The following CASZ1 variants were observed in gnomAD, a reference collection of about 807,000 sequenced individuals.
CASZ1 encodes the protein castor zinc finger 1, also known as zinc finger protein castor homolog 1.
In CASZ1, 28 loss-of-function variants were observed where a neutral mutation model predicts 135.2. The observed-to-expected ratio is 0.21, with a 90% confidence interval of 0.15 to 0.28. The LOEUF is 0.28. Ranked by LOEUF, CASZ1 falls within the 10% of genes least tolerant of loss-of-function variation. The probability of loss-of-function intolerance (pLI) is 1.00; values close to 1 mark genes in which losing one functional copy is unlikely to be tolerated. For synonymous variants in CASZ1, 1,068 were observed against 1,073.4 expected, an observed-to-expected ratio of 0.99 and a Z score of 0.10; for missense variants, 2,161 against 2,453.3, an observed-to-expected ratio of 0.88 and a Z score of 2.52.
chr1:10,648,972 C>G, intron 15 of CASZ1, 98 bp downstream of exon 15: 1 of 1,490,880 alleles, frequency 6.7e-7, no homozygotes, highest in Non-Finnish European at 9.1e-7. Context: ...CTTCTGTGGC[C>G]CAGCGGGAAC....
rs556777227 is a variant in CASZ1, at chr1:10,741,484, C to T, written c.-77+19217G>A. Among the ~76,000 whole-genome samples, 144 of 152,232 alleles carry T rather than the reference C, an allele frequency of 9.5e-4. 5 individuals are homozygous for T. In the South Asian group the frequency reaches 0.03, roughly 31 times the overall value. On this transcript the variant is annotated intron_variant, in intron 2 of 20. Transcript: ENST00000377022. The surrounding 1 kb of genome is among the most constrained non-coding windows in gnomAD (Gnocchi z 5.0). ...CACACAGCTCTCCAGTAAAGATGAG[C>T]ATGGGCAGGGCTGGCGTGATGAGGC...
intron 5 of CASZ1, among the ~76,000 whole-genome samples, chr1:10,664,811 C>T (rs1050682133): frequency 6.6e-6 from 1 of 150,936 alleles, no homozygotes; most frequent in Non-Finnish European, 1.5e-5. Context: ...CCCGTCTATC[C>T]CTCCCTCCCT....
intron 1 of CASZ1, among the ~76,000 whole-genome samples, chr1:10,790,002 T>C (rs910174130): frequency 6.6e-6 from 1 of 151,886 alleles, no homozygotes; most frequent in African/African-American, 2.4e-5. Context: ...GGTGCCCCCC[T>C]CCCCCAGTGG....
Position 10,647,917 on chromosome 1 carries a change from G to C in CASZ1, c.3381C>G (p.Pro1127=). The C allele has an allele frequency of 6.2e-7, 1 of 1,613,786 alleles. No homozygotes were observed. The highest frequency in any genetic ancestry group is 8.5e-7 in the Non-Finnish European group (1 of 1,179,972). The stretch of plus-strand genomic sequence containing the variant: ...CTGACGCTGGGATCTGAGGCATCTG[G>C]GGTATGGTGGAAGCCAGCTGCTTCC... ...LAWKQLASTI[P]QMPQIPASVP... is the part of the protein sequence containing the mutation. Residue 1127 remains proline, a synonymous_variant, in exon 16 of 21, where the codon CCC becomes CCG. Transcript: ENST00000377022. The surrounding 1 kb of genome is among the most constrained non-coding windows in gnomAD (Gnocchi z 4.9).
At chr1:10,656,591 G>T in intron 8 of CASZ1, 55 bp downstream of exon 8, 2 of 1,345,284 alleles carry the variant, frequency 1.5e-6, no homozygotes, top group Non-Finnish European at 2.1e-6. Flanking sequence ...ACTTCTAAGC[G>T]CCTCCATGCT....
chr1:10,722,045 T>C (rs1639506405), intron 2 of CASZ1, among the ~76,000 whole-genome samples: 1 of 152,220 alleles, frequency 6.6e-6, no homozygotes, highest in Non-Finnish European at 1.5e-5. Flanking sequence ...CAGGCATCTA[T>C]GGAAACGTTG....
intron 4 of CASZ1, among the ~76,000 whole-genome samples, chr1:10,670,625 C>T (rs978529545): frequency 1.3e-5 from 2 of 152,198 alleles, no homozygotes; most frequent in African/African-American, 2.4e-5. Flanking sequence ...GCTCCTGTGC[C>T]GCGGATCCTC....
chr1:10,751,087 A>AAGT (rs1553139716), intron 2 of CASZ1, among the ~76,000 whole-genome samples: 5 of 151,104 alleles, frequency 3.3e-5, no homozygotes, highest in African/African-American at 1.2e-4. Context: ...TATTATTATT[A>AAGT]ATTATTATTA....
chr1:10,778,355 C>A (rs2100606678), intron 1 of CASZ1, among the ~76,000 whole-genome samples: 1 of 152,036 alleles, frequency 6.6e-6, no homozygotes, highest in Middle Eastern at 3.4e-3. Flanking sequence ...CTTCACCTCA[C>A]ACAATCTCAT....
At chr1:10,764,594 G>A (rs1458338952) in intron 1 of CASZ1, among the ~76,000 whole-genome samples, 1 of 152,226 alleles carries the variant, frequency 6.6e-6, no homozygotes, top group Non-Finnish European at 1.5e-5. Context: ...ATCATACCAT[G>A]TACAGGTGCC....
chr1:10,647,681 G>A lies in CASZ1; in HGVS notation c.3497+120C>T. On this transcript the variant is annotated intron_variant, in intron 16 of 20. Transcript: ENST00000377022. This position sits in a 1 kb window ranked among gnomAD's most constrained non-coding sequence, Gnocchi z 4.9. The stretch of plus-strand genomic sequence containing the variant: ...GACATCACCCGATGGCCATGCCCCA[G>A]AGAGGCTGGGGACAGCAGCACCATC... 1.3e-6 allele frequency: 2 copies of A among 1,522,480 alleles called. No homozygotes were observed. The highest frequency in any genetic ancestry group is 1.8e-6 in the Non-Finnish European group (2 of 1,141,052). 94.3% of individuals were successfully genotyped at this position (1,522,480 alleles called of 1,614,324 possible). A position where few individuals can be genotyped will look rare whatever the true frequency, so the allele number is the denominator to read the frequency against.
chr1:10,651,007 G>A lies in CASZ1; in HGVS notation c.2750C>T (p.Thr917Ile), dbSNP rs1348644134. 1.3e-6 allele frequency: 2 copies of A among 1,570,828 alleles called. No homozygotes were observed. Among genetic ancestry groups the A allele is most frequent in the East Asian group, 2.3e-5 (1 of 44,294 alleles). Reference sequence around the variant, plus strand: ...GGCTTCGTGGGGGCCTGGGGCGCCGGTGCTCTCACCGGGTTCCGGCTTCAC... The same window carrying A: ...GGCTTCGTGGGGGCCTGGGGCGCCGATGCTCTCACCGGGTTCCGGCTTCAC... ...AQVKPEPGES[T>I]GAPGPHEASQ... Residue 917 changes from threonine to isoleucine, a missense_variant, in exon 12 of 21, where the codon ACC becomes ATC. Physicochemically the swap from Thr to Ile is moderately conservative, Grantham distance 89. Coordinates refer to ENST00000377022, the MANE Select transcript of CASZ1 (RefSeq NM_001079843.3).
chr1:10,711,577 C>A lies in CASZ1; in HGVS notation c.-76-6033G>T, dbSNP rs1570511437. 3.0e-5 allele frequency among the ~76,000 whole-genome samples: 4 copies of A among 135,408 alleles called. No homozygotes were observed. The highest frequency in any genetic ancestry group is 3.1e-5 in the Non-Finnish European group (2 of 63,986). 88.8% of individuals were successfully genotyped at this position (135,408 alleles called of 152,430 possible). A position where few individuals can be genotyped will look rare whatever the true frequency, so the allele number is the denominator to read the frequency against. ...GGCATATACCAGAAAAAATGGAAAA[C>A]AGGTACTCAAAAAAAAAAAAAAAAG... On this transcript the variant is annotated intron_variant, in intron 2 of 20. Coordinates refer to ENST00000377022, the MANE Select transcript of CASZ1 (RefSeq NM_001079843.3). The surrounding 1 kb of genome is among the most constrained non-coding windows in gnomAD (Gnocchi z 4.4).
rs2124676339 is a variant in CASZ1, at chr1:10,649,434, A to T, written c.2884T>A (p.Ser962Thr). Reference protein sequence around the residue: ...SLLSSLMNKMSQGNPGLGSLL... With the variant: ...SLLSSLMNKMTQGNPGLGSLL... ...CTGCCCAGGCCAGGGTTGCCCTGAG[A>T]CATCTGTGAGGGACAGAGGCCGAGC... The change falls in exon 14 of 21, where the codon TCT becomes ACT. Residue 962 changes from serine (S) to threonine (T), a missense_variant. This residue lies in a region of CASZ1 where 406 missense variants were observed against 387.6 expected (regional missense o/e 1.05). Transcript: ENST00000377022. The T allele has an allele frequency of 1.2e-6, 2 of 1,608,364 alleles. No individual in the cohort carries two copies. Among genetic ancestry groups the T allele is most frequent in the Non-Finnish European group, 1.7e-6 (2 of 1,177,182 alleles).
In CASZ1 at chr1:10,757,266, C is replaced by A. The variant is rs1640276761; in HGVS notation, c.-77+3435G>T. Among the ~76,000 whole-genome samples the A allele has an allele frequency of 6.6e-6, 1 of 152,198 alleles. No individual in the cohort carries two copies. The highest frequency in any genetic ancestry group is 1.5e-5 in the Non-Finnish European group (1 of 68,040). ...GAGGAGAAGACACAGAGCCACAAAT[C>A]CGCGGGCACAGAATGCTTGAGTCAT... is the stretch of plus-strand genomic sequence containing the variant. On this transcript the variant is annotated intron_variant, in intron 2 of 20. Coordinates refer to ENST00000377022, the MANE Select transcript of CASZ1 (RefSeq NM_001079843.3). This position sits in a 1 kb window ranked among gnomAD's most constrained non-coding sequence, Gnocchi z 4.6.
chr1:10,772,062 C>T (rs916358648), intron 1 of CASZ1, among the ~76,000 whole-genome samples: 24 of 152,120 alleles, frequency 1.6e-4, no homozygotes, highest in Non-Finnish European at 3.4e-4. Context: ...GGTGGAGCCA[C>T]GTGACACCTG....
chr1:10,652,495 C>T (rs1399469530), intron 11 of CASZ1: 1 of 152,230 alleles, frequency 6.6e-6, no homozygotes, highest in African/African-American at 2.4e-5. Flanking sequence ...ACGGAACTCT[C>T]CTCAAGGATT....
At position 10,794,027 on chromosome 1, in the gene CASZ1, C is replaced by T. The variant is rs1641013496; in HGVS notation, c.-234+2537G>A. On this transcript the variant is annotated intron_variant, in intron 1 of 20. Coordinates refer to ENST00000377022, the MANE Select transcript of CASZ1 (RefSeq NM_001079843.3). The surrounding 1 kb of genome is among the most constrained non-coding windows in gnomAD (Gnocchi z 5.6). ...CGAACGGCCCAGCGCCCCCTCCGGG[C>T]ACGTGGAGCGCAGCCCCGGCTCAGC... 6.6e-6 allele frequency among the ~76,000 whole-genome samples: 1 copy of T among 152,184 alleles called. No individual in the cohort carries two copies. The highest frequency in any genetic ancestry group is 2.4e-5 in the African/African-American group (1 of 41,454).
At chr1:10,664,208 G>T (rs540781001) in intron 5 of CASZ1, among the ~76,000 whole-genome samples, 68 of 152,254 alleles carry the variant, frequency 4.5e-4, no homozygotes, top group African/African-American at 1.5e-3. Context: ...TGCTGCAGGG[G>T]AAGGGCTAGG....
Sources: allele counts gnomAD v4.1 joint callset (sites outside exome capture counted in the v4.1 genomes callset), GRCh38; gene constraint gnomAD v4.1.1; regional missense constraint gnomAD v4.1.1; non-coding constraint Gnocchi (gnomAD v3.1); transcripts MANE v1.5; gene names NCBI Gene and HGNC (gene_info 2026-07-23, HGNC 2026-07-21).